KALRN: variants seen among roughly 807,000 people sequenced by gnomAD.
KALRN encodes the protein kalirin RhoGEF kinase, also known as kalirin.
Under a neutral mutation model 353.7 loss-of-function variants are expected in KALRN, and 70 were observed. The ratio of observed to expected loss-of-function variants is 0.20; its 90% CI spans 0.16 to 0.24. The LOEUF (loss-of-function observed/expected upper bound fraction) is 0.24, where lower values mean the gene tolerates loss of function less well. Ranked by LOEUF, KALRN falls within the 10% of genes least tolerant of loss-of-function variation. KALRN has a pLI of 1.00. For missense variants in KALRN, 2,791 were observed against 3,756.7 expected (o/e 0.74, Z 6.72); for synonymous variants, 1,391 against 1,434.8 (o/e 0.97, Z 0.69).
intron 1 of KALRN, among the ~76,000 whole-genome samples, chr3:124,054,071 C>T (rs763477896): frequency 2.6e-5 from 4 of 152,206 alleles, no homozygotes; most frequent in Non-Finnish European, 4.4e-5. Flanking sequence ...CACCTGGATA[C>T]TTAATGCTAA....
intron 9 of KALRN, among the ~76,000 whole-genome samples, chr3:124,346,405 G>A (rs935567789): frequency 2.3e-4 from 35 of 152,178 alleles, no homozygotes; most frequent in Admixed American, 1.7e-3. Flanking sequence ...AAATATCAAG[G>A]AAACTGTCTT....
At chr3:124,497,500 G>A (rs1327966668) in intron 33 of KALRN, among the ~76,000 whole-genome samples, 5 of 152,196 alleles carry the variant, frequency 3.3e-5, no homozygotes, top group South Asian at 4.2e-4. Context: ...ACTGTGCCCC[G>A]AACCTGCTGA....
chr3:124,390,650 G>C (rs4325867), intron 11 of KALRN, among the ~76,000 whole-genome samples: 2 of 152,206 alleles, frequency 1.3e-5, no homozygotes, highest in African/African-American at 2.4e-5. Flanking sequence ...AGGTTCACCA[G>C]GTGGATATGG....
chr3:124,526,768 G>A (rs1216478954), intron 33 of KALRN, among the ~76,000 whole-genome samples: 1 of 152,098 alleles, frequency 6.6e-6, no homozygotes, highest in East Asian at 1.9e-4. Flanking sequence ...CACTATCAGA[G>A]ACTATAGAAA....
At position 124,201,158 on chromosome 3, in the gene KALRN, C is replaced by T. The variant is rs1003774767; in HGVS notation, c.74-26832C>T. Among the ~76,000 whole-genome samples the T allele has an allele frequency of 7.2e-5, 11 of 152,230 alleles. 1 individual carries two copies. Among genetic ancestry groups the T allele is most frequent in the Admixed American group, 5.2e-4 (8 of 15,286 alleles). Reference sequence around the variant, plus strand: ...TCTTGTGACCAAGAGACAAAGGCCACGTATAAGACAACAGCCACCATTGAG... The same window carrying T: ...TCTTGTGACCAAGAGACAAAGGCCATGTATAAGACAACAGCCACCATTGAG... On this transcript the variant is annotated intron_variant, in intron 1 of 59. Coordinates refer to ENST00000682506, the MANE Select transcript of KALRN (RefSeq NM_001388419.1).
intron 34 of KALRN, among the ~76,000 whole-genome samples, chr3:124,602,704 C>A (rs2076927832): frequency 1.3e-5 from 2 of 152,040 alleles, no homozygotes. Context: ...GAAAATGGCA[C>A]CAGGAAGGAC....
chr3:124,301,641 C>A (rs150881502), intron 6 of KALRN, among the ~76,000 whole-genome samples: 176 of 152,244 alleles, frequency 1.2e-3, no homozygotes, highest in African/African-American at 4.1e-3. Flanking sequence ...GTCAGCATCC[C>A]AAGCAGGTGA....
At chr3:124,587,365 A>G (rs13085691) in intron 34 of KALRN, among the ~76,000 whole-genome samples, 43,987 of 151,916 alleles carry the variant, frequency 0.29, 7,027 homozygotes, top group Middle Eastern at 0.4. Flanking sequence ...AGGGGACTTG[A>G]CCATCTGACT....
At chr3:124,347,371 C>CTG (rs10663884) in intron 10 of KALRN, 106 bp downstream of exon 10, 29,810 of 563,070 alleles carry the variant, frequency 0.053, 2,520 homozygotes, top group Admixed American at 0.12. Context: ...AGGTGAGAAG[C>CTG]TGTGTGTGTG....
chr3:124,607,170 G>A (rs1451547123), intron 34 of KALRN, among the ~76,000 whole-genome samples: 1 of 152,172 alleles, frequency 6.6e-6, no homozygotes, highest in Non-Finnish European at 1.5e-5. Context: ...TTCCAATAGG[G>A]GAATGATTGT....
At chr3:124,250,353 C>G (rs1015570703) in intron 3 of KALRN, among the ~76,000 whole-genome samples, 1 of 152,102 alleles carries the variant, frequency 6.6e-6, no homozygotes, top group African/African-American at 2.4e-5. Flanking sequence ...GGGGGTGTGA[C>G]AAGAGAATGA....
At position 124,623,427 on chromosome 3, in the gene KALRN, C is replaced by CACACAA. The variant is rs139583497; in HGVS notation, c.5183-8992_5183-8991insCACAAA. 9.7e-4 allele frequency among the ~76,000 whole-genome samples: 143 copies of CACACAA among 147,128 alleles called. 1 individual carries two copies. Among genetic ancestry groups the CACACAA allele is most frequent in the East Asian group, 6.1e-3 (31 of 5,100 alleles). On this transcript the variant is annotated intron_variant, in intron 34 of 59. Coordinates refer to ENST00000682506, the MANE Select transcript of KALRN (RefSeq NM_001388419.1). ...ACACACACACACACACACACACACA[C>CACACAA]AAAAGGGAGTTTATTAACTCACATG...
chr3:124,712,175 C>T (rs2062921899), intron 57 of KALRN, among the ~76,000 whole-genome samples: 1 of 152,104 alleles, frequency 6.6e-6, no homozygotes, highest in South Asian at 2.1e-4. Context: ...AACCAAACAC[C>T]ACCTGTTCCC....
At chr3:124,220,276 C>T (rs545148889) in intron 1 of KALRN, among the ~76,000 whole-genome samples, 6 of 152,216 alleles carry the variant, frequency 3.9e-5, no homozygotes, top group Non-Finnish European at 8.8e-5. Context: ...CTCTAAGGAA[C>T]ATATTTATAG....
Position 124,717,260 on chromosome 3 carries a change from C to T in KALRN, c.8290C>T (p.Arg2764Trp). ...ILILELMDDGRLLDYLMNHDE... is the reference protein window; with the variant it reads ...ILILELMDDGWLLDYLMNHDE... Reference sequence around the variant, plus strand: ...GCCTACTTTCAGGATGGATGATGGCCGGCTCTTAGACTACCTTATGAATCA... The same window carrying T: ...GCCTACTTTCAGGATGGATGATGGCTGGCTCTTAGACTACCTTATGAATCA... Residue 2764 changes from arginine (R) to tryptophan (W), a missense_variant, in exon 59 of 60, where the codon CGG becomes TGG. By Grantham distance (101) the Arg-to-Trp change is moderately radical (BLOSUM62 -3). This residue lies in a region of KALRN where 188 missense variants were observed against 402.9 expected (regional missense o/e 0.47). Coordinates refer to ENST00000682506, the MANE Select transcript of KALRN (RefSeq NM_001388419.1). 3.1e-6 allele frequency: 5 copies of T among 1,599,960 alleles called. No homozygotes were observed. The highest frequency in any genetic ancestry group is 4.3e-6 in the Non-Finnish European group (5 of 1,174,362).
rs1480659171 is a variant in KALRN, at chr3:124,413,224, A to G, written c.2347-246A>G. Among the ~76,000 whole-genome samples, 11 of 152,214 alleles carry G rather than the reference A, an allele frequency of 7.2e-5. 1 individual carries two copies. The highest frequency in any genetic ancestry group is 1.5e-5 in the Non-Finnish European group (1 of 68,032). ...AAAACTTTATAAGCCATAATTCATA[A>G]TATGAATGTTTGCTGCTGTTCCTTT... On this transcript the variant is annotated intron_variant, in intron 13 of 59. Transcript: ENST00000682506.
At chr3:124,528,005 G>T (rs1451334983) in intron 33 of KALRN, among the ~76,000 whole-genome samples, 3 of 152,196 alleles carry the variant, frequency 2.0e-5, no homozygotes, top group Non-Finnish European at 4.4e-5. Flanking sequence ...ATCAAGGGAA[G>T]CTTAAAGGGG....
intron 7 of KALRN, 29 bp from the exon 8 acceptor site, chr3:124,329,832 C>T: frequency 1.2e-6 from 2 of 1,606,646 alleles, no homozygotes; most frequent in Non-Finnish European, 1.7e-6. Flanking sequence ...CAGTGCTCCC[C>T]CACTGATCCA....
intron 34 of KALRN, among the ~76,000 whole-genome samples, chr3:124,567,233 G>A (rs564094004): frequency 7.0e-4 from 106 of 152,158 alleles, no homozygotes; most frequent in Non-Finnish European, 1.1e-3. Context: ...GAGAACCACT[G>A]CACTAGCCCG....
Sources: allele counts gnomAD v4.1 joint callset (sites outside exome capture counted in the v4.1 genomes callset), GRCh38; gene constraint gnomAD v4.1.1; regional missense constraint gnomAD v4.1.1; transcripts MANE v1.5; gene names NCBI Gene and HGNC (gene_info 2026-07-23, HGNC 2026-07-21).